Variants in PPP1R14C observed in about 807,000 individuals in gnomAD.
PPP1R14C encodes protein phosphatase 1 regulatory inhibitor subunit 14C, also known as protein phosphatase 1 regulatory subunit 14C.
A neutral mutation model predicts 20.4 loss-of-function variants in PPP1R14C; 16 were observed. The ratio of observed to expected loss-of-function variants is 0.78; its 90% CI spans 0.53 to 1.19. PPP1R14C has a LOEUF of 1.19. PPP1R14C is among the 50% of genes most tolerant of loss of function. The probability of loss-of-function intolerance (pLI) is 0.00; values close to 1 mark genes in which losing one functional copy is unlikely to be tolerated. For synonymous variants in PPP1R14C, 91 were observed against 91.0 expected (o/e 1.00, Z 0.00); for missense variants, 211 against 220.1 (o/e 0.96, Z 0.26).
intron 1 of PPP1R14C, among the ~76,000 whole-genome samples, chr6:150,203,543 CAT>C (rs1453846749): frequency 1.3e-5 from 2 of 152,174 alleles, no homozygotes; most frequent in African/African-American, 2.4e-5. Flanking sequence ...CCGTACTGGA[CAT>C]ATTTGGCCAT....
chr6:150,240,672 T>C (rs1443789370), intron 3 of PPP1R14C, among the ~76,000 whole-genome samples: 1 of 152,214 alleles, frequency 6.6e-6, no homozygotes, highest in Admixed American at 6.5e-5. Flanking sequence ...CCATTTTTCA[T>C]CTGCAATGCA....
chr6:150,162,651 A>G (rs1050569671), intron 1 of PPP1R14C, among the ~76,000 whole-genome samples: 1 of 152,220 alleles, frequency 6.6e-6, no homozygotes, highest in African/African-American at 2.4e-5. Flanking sequence ...TGGTATAAAC[A>G]CGTGTGGGTG....
chr6:150,222,331 A>G lies in PPP1R14C; in HGVS notation c.423+5475A>G, dbSNP rs542452995. On this transcript the variant is annotated intron_variant, in intron 3 of 3. Transcript: ENST00000361131. The stretch of plus-strand genomic sequence containing the variant: ...TAGGTTCACAGTGAAATTGACTAGA[A>G]GGTACAGATTTCCAATATGCTCACT... Among the ~76,000 whole-genome samples the G allele has an allele frequency of 8.5e-5, 13 of 152,304 alleles. No individual in the cohort carries two copies. The South Asian group carries it at 2.1e-3, about 24-fold the overall frequency.
At chr6:150,235,581 C>T (rs1354078173) in intron 3 of PPP1R14C, among the ~76,000 whole-genome samples, 1 of 152,222 alleles carries the variant, frequency 6.6e-6, no homozygotes, top group Admixed American at 6.5e-5. Context: ...GCTGGGGGCA[C>T]TGGACGTGCC....
intron 1 of PPP1R14C, among the ~76,000 whole-genome samples, chr6:150,198,546 A>AAAAGT (rs1777838049): frequency 6.6e-6 from 1 of 152,224 alleles, no homozygotes; most frequent in Non-Finnish European, 1.5e-5. Flanking sequence ...TAAGACCTGG[A>AAAAGT]TGATTACAAA....
At chr6:150,174,655 G>A (rs1777541014) in intron 1 of PPP1R14C, among the ~76,000 whole-genome samples, 1 of 151,632 alleles carries the variant, frequency 6.6e-6, no homozygotes, top group African/African-American at 2.4e-5. Flanking sequence ...ATAATTTCCT[G>A]GAATATCATT....
intron 3 of PPP1R14C, among the ~76,000 whole-genome samples, chr6:150,226,727 G>A (rs150309786): frequency 1.3e-4 from 19 of 151,984 alleles, no homozygotes; most frequent in African/African-American, 4.3e-4. Context: ...TGAACTAGAG[G>A]TTTTGATAGA....
intron 3 of PPP1R14C, among the ~76,000 whole-genome samples, chr6:150,234,848 C>CAAAAAAAAAAAAAAAAAA (rs56139981): frequency 2.4e-5 from 1 of 41,832 alleles, no homozygotes; most frequent in African/African-American, 1.0e-4. Context: ...GACTCTGTCT[C>CAAAAAAAAAAAAAAAAAA]AAAAAAAAAA....
At chr6:150,210,780 G>A (rs1467274540) in intron 1 of PPP1R14C, among the ~76,000 whole-genome samples, 2 of 152,180 alleles carry the variant, frequency 1.3e-5, no homozygotes, top group East Asian at 1.9e-4. Flanking sequence ...ACAGGAGGTG[G>A]GAATGGCGTG....
At chr6:150,223,335 A>G (rs569408282) in intron 3 of PPP1R14C, among the ~76,000 whole-genome samples, 1 of 152,344 alleles carries the variant, frequency 6.6e-6, no homozygotes, top group Admixed American at 6.5e-5. Flanking sequence ...TTGTGTGAAC[A>G]TAAGTTCTCA....
At chr6:150,221,082 C>G (rs943898790) in intron 3 of PPP1R14C, among the ~76,000 whole-genome samples, 2 of 152,138 alleles carry the variant, frequency 1.3e-5, no homozygotes, top group African/African-American at 4.8e-5. Flanking sequence ...GTTAACGGGT[C>G]ATTTCAAAAA....
chr6:150,171,332 T>C (rs1777496681), intron 1 of PPP1R14C, among the ~76,000 whole-genome samples: 1 of 152,226 alleles, frequency 6.6e-6, no homozygotes, highest in Non-Finnish European at 1.5e-5. Context: ...CAGCACACCA[T>C]TGTACATACC....
At chr6:150,171,192 C>CA (rs999896026) in intron 1 of PPP1R14C, among the ~76,000 whole-genome samples, 1 of 152,132 alleles carries the variant, frequency 6.6e-6, no homozygotes, top group Non-Finnish European at 1.5e-5. Context: ...GACATGTACC[C>CA]ACCATGGTAG....
rs57737739 is a variant in PPP1R14C at position 150,242,696 on chromosome 6, G to A, written c.424-6050G>A. On this transcript the variant is annotated intron_variant, in intron 3 of 3. Coordinates refer to ENST00000361131, the MANE Select transcript of PPP1R14C (RefSeq NM_030949.3). ...CACTTTTATTCAACACAGTATTGCA[G>A]CTTTTAGCCAGTACAGTTAGGCCAA... Among the ~76,000 whole-genome samples the A allele has an allele frequency of 9.1e-3, 1,388 of 152,282 alleles. 26 individuals are homozygous for A. The highest frequency in any genetic ancestry group is 0.033 in the African/African-American group (1,352 of 41,546).
chr6:150,249,085 G>A lies in PPP1R14C; in HGVS notation c.*265G>A, dbSNP rs1240953594. On this transcript the variant is annotated 3_prime_UTR_variant, in exon 4 of 4. Coordinates refer to ENST00000361131, the MANE Select transcript of PPP1R14C (RefSeq NM_030949.3). The stretch of plus-strand genomic sequence containing the variant: ...ACAGCCTAACCAAGGATTATCAAAG[G>A]AGGTGGACACTCAAGGAAGGGCCAC... 2.4e-6 allele frequency: 1 copy of A among 424,616 alleles called. No individual in the cohort carries two copies. Among genetic ancestry groups the A allele is most frequent in the Non-Finnish European group, 4.1e-6 (1 of 242,016 alleles). The allele number at this position is 424,616 out of a possible 1,614,324, so 26.3% of individuals were successfully genotyped here.
chr6:150,219,221 T>TTTATTA (rs71898538), intron 3 of PPP1R14C, among the ~76,000 whole-genome samples: 123 of 151,110 alleles, frequency 8.1e-4, no homozygotes, highest in Non-Finnish European at 1.4e-3. Flanking sequence ...AATCCTTGCC[T>TTTATTA]TTATTATTAT....
chr6:150,161,698 G>A (rs921039865), intron 1 of PPP1R14C, among the ~76,000 whole-genome samples: 1 of 152,154 alleles, frequency 6.6e-6, no homozygotes, highest in Non-Finnish European at 1.5e-5. Context: ...AGAAGATGGC[G>A]CTTATATGCA....
At chr6:150,212,679 C>T (rs1208663203) in intron 1 of PPP1R14C, among the ~76,000 whole-genome samples, 43 of 152,174 alleles carry the variant, frequency 2.8e-4, no homozygotes, top group African/African-American at 4.8e-5. Context: ...CGCATAACAG[C>T]ATTTCAGTCA....
chr6:150,187,720 T>C (rs1777694696), intron 1 of PPP1R14C, among the ~76,000 whole-genome samples: 1 of 152,238 alleles, frequency 6.6e-6, no homozygotes, highest in Non-Finnish European at 1.5e-5. Flanking sequence ...GTTGATTCCA[T>C]GTCTTTGCTA....
Sources: gnomAD v4.1 joint callset for allele counts (sites outside exome capture counted in the v4.1 genomes callset) on GRCh38, gnomAD v4.1.1 for gene constraint, MANE v1.5 for transcripts, NCBI Gene and HGNC (gene_info 2026-07-23, HGNC 2026-07-21) for gene names.